CDH12: variants seen among roughly 807,000 people sequenced by gnomAD.
CDH12 encodes the protein cadherin 12.
Under a neutral mutation model 74.1 loss-of-function variants are expected in CDH12, and 41 were observed. The ratio of observed to expected loss-of-function variants is 0.55; its 90% CI spans 0.43 to 0.72. The LOEUF (loss-of-function observed/expected upper bound fraction) is 0.72, where lower values mean the gene tolerates loss of function less well. Ranked by LOEUF, CDH12 falls within the 30% of genes least tolerant of loss-of-function variation. The pLI is 0.00. For missense variants in CDH12, 945 were observed against 977.2 expected (o/e 0.97, Z 0.44); for synonymous variants, 399 against 355.0 (o/e 1.12, Z -1.39).
chr5:22,842,109 T>C (rs1235469283), intron 1 of CDH12, among the ~76,000 whole-genome samples: 1 of 152,130 alleles, frequency 6.6e-6, no homozygotes, highest in Non-Finnish European at 1.5e-5. Flanking sequence ...AAACCAATCC[T>C]CATAATAGCA....
intron 3 of CDH12, among the ~76,000 whole-genome samples, chr5:22,230,547 C>T (rs149069192): frequency 0.026 from 3,857 of 150,480 alleles, 71 homozygotes; most frequent in African/African-American, 0.053. Context: ...TCTTGACTCA[C>T]GGCAACCTCC....
At chr5:22,361,309 A>G (rs944629294) in intron 3 of CDH12, among the ~76,000 whole-genome samples, 1 of 152,210 alleles carries the variant, frequency 6.6e-6, no homozygotes, top group Non-Finnish European at 1.5e-5. Flanking sequence ...GAGCCAAATC[A>G]TGAGTGAACT....
chr5:22,049,289 TATTG>T (rs1299272128), intron 5 of CDH12, among the ~76,000 whole-genome samples: 3 of 152,168 alleles, frequency 2.0e-5, no homozygotes, highest in African/African-American at 4.8e-5. Context: ...AAATTATTTC[TATTG>T]ATTGAGTTTT....
chr5:22,102,683 A>C (rs1320544257), intron 4 of CDH12, among the ~76,000 whole-genome samples: 3 of 151,698 alleles, frequency 2.0e-5, no homozygotes, highest in African/African-American at 4.8e-5. Context: ...TAAATAAATA[A>C]ATAAATAAAT....
chr5:22,616,494 A>G (rs1289571368), intron 1 of CDH12, among the ~76,000 whole-genome samples: 1 of 152,122 alleles, frequency 6.6e-6, no homozygotes, highest in Non-Finnish European at 1.5e-5. Flanking sequence ...AACATTTGGA[A>G]ATTATTTGAA....
At chr5:22,476,899 T>C (rs974106261) in intron 2 of CDH12, among the ~76,000 whole-genome samples, 1 of 152,164 alleles carries the variant, frequency 6.6e-6, no homozygotes, top group African/African-American at 2.4e-5. Context: ...CCTATTTTTA[T>C]AACTGAGGAA....
At chr5:22,548,265 A>G (rs1366673940) in intron 1 of CDH12, among the ~76,000 whole-genome samples, 1 of 152,136 alleles carries the variant, frequency 6.6e-6, no homozygotes, top group African/African-American at 2.4e-5. Context: ...ATGCTTATAG[A>G]TTATTGTCAC....
intron 6 of CDH12, among the ~76,000 whole-genome samples, chr5:21,926,689 A>G (rs1754597931): frequency 6.6e-6 from 1 of 152,218 alleles, no homozygotes; most frequent in Non-Finnish European, 1.5e-5. Flanking sequence ...GAAGGAGGAA[A>G]GAAAAAGACT....
At chr5:22,820,686 G>A (rs539278386) in intron 1 of CDH12, among the ~76,000 whole-genome samples, 6 of 151,706 alleles carry the variant, frequency 4.0e-5, no homozygotes, top group Admixed American at 6.6e-5. Context: ...TAAACCAGGA[G>A]GAAGTTGAAT....
At chr5:22,711,059 G>C (rs1743262108) in intron 1 of CDH12, among the ~76,000 whole-genome samples, 2 of 140,790 alleles carry the variant, frequency 1.4e-5, no homozygotes, top group Non-Finnish European at 3.2e-5. Context: ...TTATTCCTTA[G>C]TACATTACGC....
Position 22,402,459 on chromosome 5 carries a change from T to C in CDH12, c.-333+2798A>G, listed in dbSNP as rs1742767866. Among the ~76,000 whole-genome samples the C allele has an allele frequency of 2.0e-5, 3 of 152,352 alleles. No individual in the cohort carries two copies. The East Asian group carries it at 5.8e-4, about 29-fold the overall frequency. On this transcript the variant is annotated intron_variant, in intron 3 of 14. Transcript: ENST00000382254. ...AGTAGCAGATATTTTAGCTGAATCA[T>C]GTTCTACTATCAAGTAGAAAGCAAG...
chr5:22,566,793 T>C (rs1022742659), intron 1 of CDH12, among the ~76,000 whole-genome samples: 7 of 152,168 alleles, frequency 4.6e-5, no homozygotes, highest in Non-Finnish European at 8.8e-5. Context: ...ATAACATTAC[T>C]AAACAGGATG....
chr5:21,939,239 A>G (rs1387581940), intron 6 of CDH12, among the ~76,000 whole-genome samples: 1 of 83,798 alleles, frequency 1.2e-5, no homozygotes, highest in Admixed American at 1.2e-4. Context: ...TAAAATTATC[A>G]AAAAAAGACT....
chr5:22,774,228 G>A (rs925013510), intron 1 of CDH12, among the ~76,000 whole-genome samples: 9 of 152,010 alleles, frequency 5.9e-5, no homozygotes, highest in African/African-American at 2.2e-4. Context: ...ATCAATCTAG[G>A]TGCCTATAAA....
At chr5:21,848,592 A>G (rs1579828348) in intron 7 of CDH12, among the ~76,000 whole-genome samples, 1 of 151,954 alleles carries the variant, frequency 6.6e-6, no homozygotes, top group Non-Finnish European at 1.5e-5. Context: ...ATTTATTCAA[A>G]TGTTATGTTC....
chr5:22,290,522 G>A (rs137881657), intron 3 of CDH12, among the ~76,000 whole-genome samples: 13 of 152,138 alleles, frequency 8.5e-5, no homozygotes, highest in South Asian at 2.1e-4. Flanking sequence ...ATGCAATAGC[G>A]GATCAACAGC....
At chr5:22,104,854 A>G (rs1346790297) in intron 4 of CDH12, among the ~76,000 whole-genome samples, 1 of 152,184 alleles carries the variant, frequency 6.6e-6, no homozygotes, top group African/African-American at 2.4e-5. Flanking sequence ...TAAAAATTTT[A>G]CAAAGCCACC....
At chr5:22,471,464 T>C (rs908027715) in intron 2 of CDH12, among the ~76,000 whole-genome samples, 2 of 152,196 alleles carry the variant, frequency 1.3e-5, no homozygotes, top group Non-Finnish European at 2.9e-5. Context: ...ATTGTAAATA[T>C]AAAAATATTT....
At chr5:22,710,728 T>C (rs269026) in intron 1 of CDH12, among the ~76,000 whole-genome samples, 11,314 of 152,124 alleles carry the variant, frequency 0.074, 858 homozygotes, top group African/African-American at 0.19. Context: ...ACTTCACAAT[T>C]AGTTGGTCTT....
Sources: gnomAD v4.1 joint callset for allele counts (sites outside exome capture counted in the v4.1 genomes callset) on GRCh38, gnomAD v4.1.1 for gene constraint, MANE v1.5 for transcripts, NCBI Gene and HGNC (gene_info 2026-07-23, HGNC 2026-07-21) for gene names.